The following PKD2 variants were observed in gnomAD, a reference collection of about 807,000 sequenced individuals.
PKD2 encodes the protein polycystin-2.
In PKD2, 48 loss-of-function variants were observed where a neutral mutation model predicts 105.9. The ratio of observed to expected loss-of-function variants is 0.45; its 90% CI spans 0.36 to 0.58. PKD2 has a LOEUF of 0.58. PKD2 is among the 20% of genes least tolerant of loss of function. The probability of loss-of-function intolerance (pLI) is 0.00; values close to 1 mark genes in which losing one functional copy is unlikely to be tolerated. For synonymous variants in PKD2, 464 were observed against 481.1 expected, an observed-to-expected ratio of 0.96 and a Z score of 0.46; for missense variants, 1,078 against 1,255.3, an observed-to-expected ratio of 0.86 and a Z score of 2.13.
intron 7 of PKD2, among the ~76,000 whole-genome samples, chr4:88,053,605 C>G (rs1395376343): frequency 1.3e-5 from 2 of 150,582 alleles, no homozygotes; most frequent in African/African-American, 4.9e-5. Flanking sequence ...TGCAGTGAGC[C>G]AAGATCGCAC....
At chr4:88,030,227 C>G (rs568547775) in intron 2 of PKD2, among the ~76,000 whole-genome samples, 2 of 152,258 alleles carry the variant, frequency 1.3e-5, no homozygotes, top group African/African-American at 4.8e-5. Context: ...ACACAGCTCA[C>G]TGCAGCTTGG....
At chr4:88,062,123 G>T in intron 10 of PKD2, 119 bp downstream of exon 10, 1 of 661,084 alleles carries the variant, frequency 1.5e-6, no homozygotes, top group African/African-American at 1.8e-5. Context: ...AGAATACATT[G>T]CTATATTTCA....
intron 2 of PKD2, among the ~76,000 whole-genome samples, chr4:88,032,567 T>G (rs185176973): frequency 6.6e-6 from 1 of 152,228 alleles, no homozygotes; most frequent in Non-Finnish European, 1.5e-5. Flanking sequence ...TGTGTACATA[T>G]GTACAGATGT....
At chr4:88,046,195 C>A (rs1193385975) in intron 5 of PKD2, among the ~76,000 whole-genome samples, 2 of 151,960 alleles carry the variant, frequency 1.3e-5, no homozygotes, top group Admixed American at 1.3e-4. Flanking sequence ...GAGGCTAAGG[C>A]AGGAGAATCC....
intron 12 of PKD2, among the ~76,000 whole-genome samples, chr4:88,067,147 T>G (rs1720823746): frequency 6.6e-6 from 1 of 152,194 alleles, no homozygotes; most frequent in South Asian, 2.1e-4. Flanking sequence ...TAAAACTTCT[T>G]GAGCACAAAC....
chr4:88,068,837 G>C (rs749008655), intron 13 of PKD2, among the ~76,000 whole-genome samples: 1 of 152,144 alleles, frequency 6.6e-6, no homozygotes, highest in Admixed American at 6.5e-5. Context: ...GTTTGAAAGT[G>C]GGGTATTAAA....
In PKD2 at chr4:88,056,144, G is replaced by A. The variant is rs1445590170; in HGVS notation, c.1775G>A (p.Arg592Gln). 2.5e-6 allele frequency: 4 copies of A among 1,613,380 alleles called. No homozygotes were observed. Among genetic ancestry groups the A allele is most frequent in the African/African-American group, 1.3e-5 (1 of 74,958 alleles). The change falls in exon 8 of 15, where the codon CGA becomes CAA. Residue 592 changes from arginine (R) to glutamine (Q), a missense_variant. Coordinates refer to ENST00000237596, the MANE Select transcript of PKD2 (RefSeq NM_000297.4). ...TMSQLSTTMS[R>Q]CAKDLFGFAI... is the part of the protein sequence containing the mutation. ...AGCCAGCTCTCGACAACCATGTCTCGATGTGCCAAAGACCTGTTTGGCTTT... is the reference window on the plus strand; with the variant it reads ...AGCCAGCTCTCGACAACCATGTCTCAATGTGCCAAAGACCTGTTTGGCTTT...
At chr4:88,074,137 T>TTTTG (rs369981154) in intron 13 of PKD2, among the ~76,000 whole-genome samples, 3 of 152,162 alleles carry the variant, frequency 2.0e-5, no homozygotes, top group South Asian at 2.1e-4. Flanking sequence ...GTTGGGTGTT[T>TTTTG]TTTGTTTGTT....
intron 1 of PKD2, among the ~76,000 whole-genome samples, chr4:88,009,231 A>G (rs1018999503): frequency 6.6e-6 from 1 of 152,220 alleles, no homozygotes; most frequent in African/African-American, 2.4e-5. Flanking sequence ...TGTCAGAGGT[A>G]TCCTTGGGAA....
chr4:88,072,855 G>T (rs1721082335), intron 13 of PKD2, among the ~76,000 whole-genome samples: 1 of 151,236 alleles, frequency 6.6e-6, no homozygotes, highest in Non-Finnish European at 1.5e-5. Context: ...TGTGCAACAT[G>T]GTGAGACCCT....
Position 88,075,761 on chromosome 4 carries a change from GCA to G in PKD2, c.*71_*72del. The G allele has an allele frequency of 1.8e-6, 2 of 1,108,994 alleles. No individual in the cohort carries two copies. Among genetic ancestry groups the G allele is most frequent in the Non-Finnish European group, 2.7e-6 (2 of 729,978 alleles). 68.7% of individuals were successfully genotyped at this position (1,108,994 alleles called of 1,614,324 possible). The stretch of plus-strand genomic sequence containing the variant: ...TGGCTGTCCTGAATTGCTGTAACAA[GCA>G]CACTATTTATATGCCCTGACCACCA... On this transcript the variant is annotated 3_prime_UTR_variant, in exon 15 of 15. Transcript: ENST00000237596.
At chr4:88,054,271 C>T (rs1034764355) in intron 7 of PKD2, among the ~76,000 whole-genome samples, 1 of 151,462 alleles carries the variant, frequency 6.6e-6, no homozygotes, top group African/African-American at 2.4e-5. Context: ...TGTGGTGGCA[C>T]GTGCCTATGA....
At chr4:88,024,417 A>T (rs1446846043) in intron 2 of PKD2, among the ~76,000 whole-genome samples, 1 of 137,432 alleles carries the variant, frequency 7.3e-6, no homozygotes, top group African/African-American at 2.8e-5. Context: ...AGATTGTACC[A>T]CTGCACTCCA....
intron 4 of PKD2, among the ~76,000 whole-genome samples, chr4:88,042,063 A>T (rs1560611032): frequency 2.0e-5 from 3 of 152,190 alleles, no homozygotes; most frequent in Admixed American, 6.5e-5. Flanking sequence ...ATCTTATGGG[A>T]GCCAAACTGA....
At chr4:88,070,595 T>TAGAGAGAG (rs1230764764) in intron 13 of PKD2, among the ~76,000 whole-genome samples, 65 of 98,398 alleles carry the variant, frequency 6.6e-4, no homozygotes, top group African/African-American at 1.1e-3. Context: ...TATATATATA[T>TAGAGAGAG]ATATATAGAG....
chr4:88,054,945 C>T (rs13106683), intron 7 of PKD2, among the ~76,000 whole-genome samples: 19,301 of 152,160 alleles, frequency 0.13, 1,655 homozygotes, highest in Non-Finnish European at 0.19. Flanking sequence ...TGAGCCACCA[C>T]GCCCGGCCTC....
intron 6 of PKD2, among the ~76,000 whole-genome samples, chr4:88,049,556 A>C (rs946985204): frequency 6.6e-6 from 1 of 152,172 alleles, no homozygotes; most frequent in African/African-American, 2.4e-5. Context: ...AGGAAGGGCT[A>C]CTGGAATCTC....
intron 2 of PKD2, among the ~76,000 whole-genome samples, chr4:88,020,955 G>GATT (rs1726727138): frequency 6.6e-6 from 1 of 152,092 alleles, no homozygotes; most frequent in Admixed American, 6.6e-5. Context: ...GAAGTTCTGG[G>GATT]ATTATAGGCA....
chr4:88,053,762 C>T (rs1393673829), intron 7 of PKD2, among the ~76,000 whole-genome samples: 1 of 151,776 alleles, frequency 6.6e-6, no homozygotes, highest in African/African-American at 2.4e-5. Context: ...AAACCTTGAT[C>T]ATAACATAGT....
Sources: allele counts gnomAD v4.1 joint callset (sites outside exome capture counted in the v4.1 genomes callset), GRCh38; gene constraint gnomAD v4.1.1; transcripts MANE v1.5; gene names NCBI Gene and HGNC (gene_info 2026-07-23, HGNC 2026-07-21).